Variants in UBXN1 observed in about 807,000 individuals in gnomAD.
UBXN1 encodes the protein UBX domain-containing protein 1.
In UBXN1, 21 loss-of-function variants were observed where a neutral mutation model predicts 42.0. The observed-to-expected ratio is 0.50, with a 90% confidence interval of 0.35 to 0.72. UBXN1 has a LOEUF of 0.72. Among genes scored for constraint, UBXN1 ranks in the 30% least tolerant of loss-of-function variants. The pLI, the probability that UBXN1 is intolerant of heterozygous loss-of-function variation, is 0.00. For synonymous variants in UBXN1, 172 were observed against 142.6 expected, an observed-to-expected ratio of 1.21 and a Z score of -1.47; for missense variants, 374 against 382.2, an observed-to-expected ratio of 0.98 and a Z score of 0.18.
In UBXN1 at chr11:62,677,575, G is replaced by A. The variant is rs1476010465; in HGVS notation, c.594C>T (p.Pro198=). 1.2e-6 allele frequency: 2 copies of A among 1,614,020 alleles called. No individual in the cohort carries two copies. The highest frequency in any genetic ancestry group is 1.7e-5 in the Admixed American group (1 of 59,990). The change falls in exon 7 of 9, where the codon CCC becomes CCT. Residue 198 remains proline, a synonymous_variant. Coordinates refer to ENST00000301935, the MANE Select transcript of UBXN1 (RefSeq NM_001286077.2). ...TGGGAGGCTCCTGGCTGGGAGAAGAGGGAACAGGACCTGGCTCTGGTGCCA... is the reference window on the plus strand; with the variant it reads ...TGGGAGGCTCCTGGCTGGGAGAAGAAGGAACAGGACCTGGCTCTGGTGCCA... ...PPVAPEPGPV[P]SSPSQEPPTK...
In UBXN1 at chr11:62,678,050, C is replaced by T. The variant is rs748769310; in HGVS notation, c.359G>A (p.Arg120Gln). ...CCCTTGTCTCCTGCGCTGCCGTTCC[C>T]GTTCCAATGCCTCCCGTTCCTCTCT... ...EEREEREALERERQRRRQGQE... is the reference protein window; with the variant it reads ...EEREEREALEQERQRRRQGQE... Residue 120 changes from arginine to glutamine, a missense_variant, in exon 5 of 9, where the codon CGG (arginine) becomes CAG (glutamine). By Grantham distance (43) the Arg-to-Gln change is conservative. Transcript: ENST00000301935. 16 of 1,614,148 alleles carry T rather than the reference C, an allele frequency of 9.9e-6. No homozygotes were observed. Among genetic ancestry groups the T allele is most frequent in the Non-Finnish European group, 3.4e-6 (4 of 1,180,038 alleles).
rs1003995659 is a variant in UBXN1, at chr11:62,679,050, G to C, written c.-127C>G. 3 of 1,037,692 alleles carry C rather than the reference G, an allele frequency of 2.9e-6. No homozygotes were observed. The highest frequency in any genetic ancestry group is 4.1e-6 in the Non-Finnish European group (3 of 726,664). The allele number at this position is 1,037,692 out of a possible 1,614,324, so 64.3% of individuals were successfully genotyped here. A position where few individuals can be genotyped will look rare whatever the true frequency, so the allele number is the denominator to read the frequency against. On this transcript the variant is annotated 5_prime_UTR_variant, in exon 1 of 9. Coordinates refer to ENST00000301935, the MANE Select transcript of UBXN1 (RefSeq NM_001286077.2). Reference sequence around the variant, plus strand: ...GCTCGCTCTCTCACCCGGCTCTATAGCAGCCGGGAACACCGACGAGAAGAA... The same window carrying C: ...GCTCGCTCTCTCACCCGGCTCTATACCAGCCGGGAACACCGACGAGAAGAA...
intron 4 of UBXN1, 69 bp from the exon 5 acceptor site, chr11:62,678,187 CA>C: frequency 6.2e-7 from 1 of 1,602,350 alleles, no homozygotes; most frequent in Admixed American, 1.7e-5. Flanking sequence ...TTACAATAAA[CA>C]AAATTAGGCG....
At position 62,676,850 on chromosome 11, in the gene UBXN1, G is replaced by A. The variant is rs763460002; in HGVS notation, c.807C>T (p.Phe269=). 4 of 1,614,152 alleles carry A rather than the reference G, an allele frequency of 2.5e-6. No homozygotes were observed. Among genetic ancestry groups the A allele is most frequent in the South Asian group, 1.1e-5 (1 of 91,084 alleles). ...QLLSGFPRRA[F]SEADMERPLQ... ...GAGGCCGCTCCATGTCAGCTTCTGAGAAGGCCCGTCTGGGGAAGCCACTGA... is the reference window on the plus strand; with the variant it reads ...GAGGCCGCTCCATGTCAGCTTCTGAAAAGGCCCGTCTGGGGAAGCCACTGA... The change falls in exon 8 of 9, where the codon TTC becomes TTT. Residue 269 remains phenylalanine, a synonymous_variant. Transcript: ENST00000301935.
At chr11:62,678,273 G>T in intron 4 of UBXN1, 66 bp downstream of exon 4, 1 of 1,610,762 alleles carries the variant, frequency 6.2e-7, no homozygotes, top group South Asian at 1.1e-5. Flanking sequence ...AAGGTTCTTT[G>T]ACCAGACGTG....
chr11:62,677,688 C>T, intron 6 of UBXN1, 54 bp from the exon 7 acceptor site: 4 of 1,612,746 alleles, frequency 2.5e-6, no homozygotes, highest in Non-Finnish European at 3.4e-6. Flanking sequence ...TCAGGTGAAA[C>T]AGATCATATA....
Position 62,676,632 on chromosome 11 carries a change from C to T in UBXN1, c.852G>A (p.Val284=), listed in dbSNP as rs1294781083. The T allele has an allele frequency of 6.2e-7, 1 of 1,613,858 alleles. No individual in the cohort carries two copies. Among genetic ancestry groups the T allele is most frequent in the Admixed American group, 1.7e-5 (1 of 59,974 alleles). ...TGGCCACAATGAGAACAGCAGAAGG[C>T]ACGAGTCCTGAAGATGGAAGAAAAC... The part of the protein sequence containing the change: ...MERPLQELGL[V]PSAVLIVAKK... The change falls in exon 9 of 9, where the codon GTG becomes GTA. Residue 284 remains valine, a synonymous_variant. Transcript: ENST00000301935.
Position 62,678,679 on chromosome 11 carries a change from C to T in UBXN1, c.113+11G>A, listed in dbSNP as rs201705756. 6.2e-7 allele frequency: 1 copy of T among 1,611,078 alleles called. No homozygotes were observed. The highest frequency in any genetic ancestry group is 2.2e-5 in the East Asian group (1 of 44,820). ...GCCCCCAATTCTCCGCCACCCGGGA[C>T]GAGCGCTTACCAGTCCATCGCAGCC... On this transcript the variant is annotated intron_variant, in intron 2 of 8. Transcript: ENST00000301935.
chr11:62,677,329 G>A (rs1235483400), intron 7 of UBXN1, 189 bp downstream of exon 7: 2 of 670,388 alleles, frequency 3.0e-6, no homozygotes, highest in East Asian at 2.6e-5. Context: ...AGAGAGGTAT[G>A]GGTTTAAATA....
rs1945097203 is a variant in UBXN1, at chr11:62,679,041, G to A, written c.-118C>T. On this transcript the variant is annotated 5_prime_UTR_variant, in exon 1 of 9. Coordinates refer to ENST00000301935, the MANE Select transcript of UBXN1 (RefSeq NM_001286077.2). The stretch of plus-strand genomic sequence containing the variant: ...CCGACGGGCGCTCGCTCTCTCACCC[G>A]GCTCTATAGCAGCCGGGAACACCGA... 5.3e-6 allele frequency: 6 copies of A among 1,135,390 alleles called. No homozygotes were observed. The Admixed American group carries it at 9.9e-5, about 19-fold the overall frequency. The allele number at this position is 1,135,390 out of a possible 1,614,324, so 70.3% of individuals were successfully genotyped here.
Position 62,678,606 on chromosome 11 carries a change from C to A in UBXN1, c.114-5G>T. ...TCGTCTTCGTGCTCCATCAGCCTGG[C>A]AGGGAAAGTGGGCGGGGAGGTTAGC... On this transcript the variant is annotated splice_region_variant and splice_polypyrimidine_tract_variant and intron_variant, in intron 2 of 8. Coordinates refer to ENST00000301935, the MANE Select transcript of UBXN1 (RefSeq NM_001286077.2). 6.2e-7 allele frequency: 1 copy of A among 1,612,300 alleles called. No homozygotes were observed. Among genetic ancestry groups the A allele is most frequent in the Non-Finnish European group, 8.5e-7 (1 of 1,178,820 alleles).
intron 7 of UBXN1, 27 bp downstream of exon 7, chr11:62,677,491 G>C: frequency 6.2e-7 from 1 of 1,611,458 alleles, no homozygotes. Flanking sequence ...GGGGTCCCAA[G>C]AGGAAGATAA....
Position 62,678,756 on chromosome 11 carries a change from A to C in UBXN1, c.60-13T>G. ...CAGAGCCTTCTCCCTGGGGGCAGAA[A>C]CACCATGAATAGCGCCCACGAGCCA... On this transcript the variant is annotated splice_polypyrimidine_tract_variant and intron_variant, in intron 1 of 8. Transcript: ENST00000301935. 3 of 1,613,364 alleles carry C rather than the reference A, an allele frequency of 1.9e-6. No individual in the cohort carries two copies. The highest frequency in any genetic ancestry group is 2.5e-6 in the Non-Finnish European group (3 of 1,179,958).
At chr11:62,678,160 G>A (rs780241220) in intron 4 of UBXN1, 42 bp from the exon 5 acceptor site, 4 of 1,609,546 alleles carry the variant, frequency 2.5e-6, no homozygotes, top group Middle Eastern at 1.7e-4. Flanking sequence ...AATGGACAGA[G>A]TGGGAAGGTG....
intron 7 of UBXN1, 120 bp downstream of exon 7, chr11:62,677,396 AGT>A: frequency 1.0e-6 from 1 of 1,003,072 alleles, no homozygotes; most frequent in South Asian, 1.4e-5. Context: ...GGATTTCAAA[AGT>A]CATTTACAAA....
At position 62,676,843 on chromosome 11, in the gene UBXN1, C is replaced by T; in HGVS notation, c.814G>A (p.Ala272Thr). ...SGFPRRAFSE[A>T]DMERPLQELG... Reference sequence around the variant, plus strand: ...TCCTGCAGAGGCCGCTCCATGTCAGCTTCTGAGAAGGCCCGTCTGGGGAAG... The same window carrying T: ...TCCTGCAGAGGCCGCTCCATGTCAGTTTCTGAGAAGGCCCGTCTGGGGAAG... The change falls in exon 8 of 9, where the codon GCT (alanine) becomes ACT (threonine). Residue 272 changes from alanine to threonine, a missense_variant. By Grantham distance (58) the Ala-to-Thr change is moderately conservative (BLOSUM62 0). Transcript: ENST00000301935. The T allele has an allele frequency of 1.2e-6, 2 of 1,614,200 alleles. No homozygotes were observed. Among genetic ancestry groups the T allele is most frequent in the Non-Finnish European group, 1.7e-6 (2 of 1,180,040 alleles).
At chr11:62,678,797 T>A in intron 1 of UBXN1, 54 bp from the exon 2 acceptor site, 1 of 1,612,180 alleles carries the variant, frequency 6.2e-7, no homozygotes, top group East Asian at 2.2e-5. Context: ...ACGGTCAGGC[T>A]GGGGCAAAGG....
chr11:62,677,972 G>T lies in UBXN1; in HGVS notation c.437C>A (p.Ala146Asp). The part of the protein sequence containing the change: ...QRLQEDEMRR[A>D]AEERRREKAE... ...CTTTTCCCTCCGCCTCTCCTCAGCA[G>T]CCCGGCGCATCTCATCTTCCTGTAG... The change falls in exon 5 of 9, where the codon GCT (alanine) becomes GAT (aspartate). Residue 146 changes from alanine (A) to aspartate (D), a missense_variant. Ala to Asp is a moderately radical substitution (Grantham distance 126, BLOSUM62 -2). Transcript: ENST00000301935. 6.2e-7 allele frequency: 1 copy of T among 1,614,126 alleles called. No homozygotes were observed. Among genetic ancestry groups the T allele is most frequent in the Non-Finnish European group, 8.5e-7 (1 of 1,180,030 alleles).
Position 62,678,504 on chromosome 11 carries a change from C to T in UBXN1, c.211G>A (p.Gly71Ser), listed in dbSNP as rs771574845. The change falls in exon 3 of 9, where the codon GGC becomes AGC. Residue 71 changes from glycine (G) to serine (S), a missense_variant. By Grantham distance (56) the Gly-to-Ser change is moderately conservative. Coordinates refer to ENST00000301935, the MANE Select transcript of UBXN1 (RefSeq NM_001286077.2). Reference protein sequence around the residue: ...GREPTSSEQGGLEGSGSAAGE... With the variant: ...GREPTSSEQGSLEGSGSAAGE... ...GACCCTCAGTCAGGACCTTCAAGGCCGCCTTGCTCTGAGGAAGTGGGCTCC... is the reference window on the plus strand; with the variant it reads ...GACCCTCAGTCAGGACCTTCAAGGCTGCCTTGCTCTGAGGAAGTGGGCTCC... 6.2e-7 allele frequency: 1 copy of T among 1,611,512 alleles called. No individual in the cohort carries two copies. The highest frequency in any genetic ancestry group is 1.7e-5 in the Admixed American group (1 of 59,162).
Sources: gnomAD v4.1 joint callset for allele counts on GRCh38, gnomAD v4.1.1 for gene constraint, MANE v1.5 for transcripts, NCBI Gene and HGNC (gene_info 2026-07-23, HGNC 2026-07-21) for gene names.